Variants in PARD3B observed in about 807,000 individuals in gnomAD.
PARD3B encodes the protein partitioning defective 3 homolog B.
PARD3B carries 103 observed loss-of-function variants against 130.2 expected under a neutral mutation model. The ratio of observed to expected loss-of-function variants is 0.79; its 90% CI spans 0.67 to 0.93. The LOEUF (loss-of-function observed/expected upper bound fraction) is 0.93. Among genes scored for constraint, PARD3B ranks in the 40% least tolerant of loss-of-function variants. The pLI, the probability that PARD3B is intolerant of heterozygous loss-of-function variation, is 0.00. For missense variants in PARD3B, 1,609 were observed against 1,499.2 expected (o/e 1.07, Z -1.21); for synonymous variants, 583 against 553.2 (o/e 1.05, Z -0.76).
chr2:204,718,664 T>G (rs1020954797), intron 2 of PARD3B, among the ~76,000 whole-genome samples: 2 of 152,212 alleles, frequency 1.3e-5, no homozygotes, highest in Non-Finnish European at 2.9e-5. Context: ...TTATGACTTA[T>G]TAGATTCAAC....
At chr2:205,456,856 G>A (rs567464203) in intron 20 of PARD3B, among the ~76,000 whole-genome samples, 2 of 148,640 alleles carry the variant, frequency 1.3e-5, no homozygotes, top group South Asian at 4.2e-4. Flanking sequence ...TAAATACTCA[G>A]TTAAATATAA....
intron 18 of PARD3B, among the ~76,000 whole-genome samples, chr2:205,346,210 A>C (rs60201283): frequency 7.2e-6 from 1 of 139,602 alleles, no homozygotes; most frequent in Non-Finnish European, 1.6e-5. Context: ...TAAATAAATA[A>C]ATAAATAAAT....
intron 15 of PARD3B, among the ~76,000 whole-genome samples, chr2:205,202,372 T>G (rs1240555766): frequency 1.3e-5 from 2 of 152,236 alleles, no homozygotes. Flanking sequence ...AGTCTCTATC[T>G]ATCCTTTCCT....
rs527353986 is a variant in PARD3B at position 205,149,265 on chromosome 2, G to A, written c.1435-9457G>A. Among the ~76,000 whole-genome samples the A allele has an allele frequency of 2.6e-4, 40 of 151,958 alleles. No homozygotes were observed. The South Asian group carries it at 8.3e-3, about 32-fold the overall frequency. The stretch of plus-strand genomic sequence containing the variant: ...GTAGACTCTTCAGTTTCCTCTTTCC[G>A]ATTCTTAAACCCATGTTGGCCAGGC... On this transcript the variant is annotated intron_variant, in intron 10 of 22. Transcript: ENST00000406610.
At chr2:204,994,819 C>T (rs1694009708) in intron 3 of PARD3B, among the ~76,000 whole-genome samples, 1 of 150,552 alleles carries the variant, frequency 6.6e-6, no homozygotes, top group Non-Finnish European at 1.5e-5. Flanking sequence ...GAATTGATCC[C>T]TTTACCATTA....
At chr2:204,878,776 G>A (rs577443402) in intron 2 of PARD3B, among the ~76,000 whole-genome samples, 2 of 152,138 alleles carry the variant, frequency 1.3e-5, no homozygotes, top group Admixed American at 6.6e-5. Context: ...CTGCTGTTTG[G>A]TATATCAGGA....
chr2:205,153,458 T>C lies in PARD3B; in HGVS notation c.1435-5264T>C, dbSNP rs186379637. ...ATAGGAAGAATCAATATCATGAAAA[T>C]GGCCATACTGCCCAAGGTAATTTAT... On this transcript the variant is annotated intron_variant, in intron 10 of 22. Transcript: ENST00000406610. Among the ~76,000 whole-genome samples, 1,004 of 152,192 alleles carry C rather than the reference T, an allele frequency of 6.6e-3. 46 individuals carry two copies. The highest frequency in any genetic ancestry group is 0.057 in the Admixed American group (877 of 15,290).
chr2:205,139,908 T>C (rs1217972539), intron 10 of PARD3B, among the ~76,000 whole-genome samples: 1 of 151,800 alleles, frequency 6.6e-6, no homozygotes, highest in Non-Finnish European at 1.5e-5. Context: ...AAGCTTTTGC[T>C]GTCAGATAGC....
At chr2:205,593,336 T>C (rs2054456759) in intron 22 of PARD3B, among the ~76,000 whole-genome samples, 1 of 152,242 alleles carries the variant, frequency 6.6e-6, no homozygotes, top group Non-Finnish European at 1.5e-5. Flanking sequence ...GGTAATTAAC[T>C]TTTTAATTCA....
At chr2:205,157,665 A>G (rs924836216) in intron 10 of PARD3B, among the ~76,000 whole-genome samples, 8 of 152,182 alleles carry the variant, frequency 5.3e-5, no homozygotes, top group African/African-American at 1.7e-4. Flanking sequence ...AGTCCCTTCA[A>G]TGTGACCTTA....
rs2039959546 is a variant in PARD3B, at chr2:205,253,855, A to G, written c.2185+8033A>G. On this transcript the variant is annotated intron_variant, in intron 16 of 22. Transcript: ENST00000406610. This position sits in a 1 kb window ranked among gnomAD's most constrained non-coding sequence, Gnocchi z 4.4. Reference sequence around the variant, plus strand: ...AGCTTCAATTGAGAAAGCTGCTGAGAAAGTAGAATTCATAGTGGAGAACTG... The same window carrying G: ...AGCTTCAATTGAGAAAGCTGCTGAGGAAGTAGAATTCATAGTGGAGAACTG... Among the ~76,000 whole-genome samples the G allele has an allele frequency of 6.6e-6, 1 of 152,090 alleles. No homozygotes were observed. Among genetic ancestry groups the G allele is most frequent in the African/African-American group, 2.4e-5 (1 of 41,432 alleles).
intron 2 of PARD3B, among the ~76,000 whole-genome samples, chr2:204,781,179 C>T (rs1384274234): frequency 6.6e-6 from 1 of 152,090 alleles, no homozygotes; most frequent in African/African-American, 2.4e-5. Flanking sequence ...CCTCTTTCCT[C>T]TTTTTGTGCA....
At chr2:205,211,707 T>C (rs2037645844) in intron 15 of PARD3B, among the ~76,000 whole-genome samples, 1 of 151,972 alleles carries the variant, frequency 6.6e-6, no homozygotes, top group Non-Finnish European at 1.5e-5. Context: ...GTATAAAAAT[T>C]AAAGTGAAAA....
intron 2 of PARD3B, among the ~76,000 whole-genome samples, chr2:204,948,690 T>C (rs1161037616): frequency 1.3e-5 from 2 of 152,194 alleles, no homozygotes; most frequent in African/African-American, 4.8e-5. Context: ...GTGTTCACCA[T>C]TGGTTGTCCG....
At chr2:204,573,646 G>A (rs2032112647) in intron 1 of PARD3B, among the ~76,000 whole-genome samples, 1 of 152,138 alleles carries the variant, frequency 6.6e-6, no homozygotes, top group African/African-American at 2.4e-5. Context: ...AAGTTCCATG[G>A]TTTCTCCTCG....
intron 20 of PARD3B, among the ~76,000 whole-genome samples, chr2:205,457,583 T>C (rs1348381737): frequency 6.6e-6 from 1 of 152,038 alleles, no homozygotes; most frequent in Non-Finnish European, 1.5e-5. Context: ...CTTAATTATT[T>C]CCTTTAGTAT....
chr2:204,755,894 G>A (rs1469822026), intron 2 of PARD3B, among the ~76,000 whole-genome samples: 1 of 152,120 alleles, frequency 6.6e-6, no homozygotes, highest in Non-Finnish European at 1.5e-5. Flanking sequence ...GCATTCTTGT[G>A]TAGGCTGAGC....
In PARD3B at chr2:204,868,340, ATTATCT is replaced by A. The variant is rs1337373454; in HGVS notation, c.223-96807_223-96802del. Among the ~76,000 whole-genome samples the A allele has an allele frequency of 2.6e-5, 4 of 152,292 alleles. No individual in the cohort carries two copies. In the South Asian group the frequency reaches 6.2e-4, roughly 24 times the overall value. Reference sequence around the variant, plus strand: ...ATTCCACTAGGTTAATATTAGTGCCATTATCTTTATTTTATAAATTAAGGACTGATT... The same window carrying A: ...ATTCCACTAGGTTAATATTAGTGCCATTATTTTATAAATTAAGGACTGATT... On this transcript the variant is annotated intron_variant, in intron 2 of 22. Coordinates refer to ENST00000406610, the MANE Select transcript of PARD3B (RefSeq NM_001302769.2).
At chr2:204,878,403 A>G (rs1369369784) in intron 2 of PARD3B, among the ~76,000 whole-genome samples, 1 of 152,194 alleles carries the variant, frequency 6.6e-6, no homozygotes, top group Non-Finnish European at 1.5e-5. Context: ...TTAAACATAA[A>G]AACCAGAGCA....
Sources: allele counts gnomAD v4.1 joint callset (sites outside exome capture counted in the v4.1 genomes callset), GRCh38; gene constraint gnomAD v4.1.1; non-coding constraint Gnocchi (gnomAD v3.1); transcripts MANE v1.5; gene names NCBI Gene and HGNC (gene_info 2026-07-23, HGNC 2026-07-21).